Variants in PPP1R9A observed in about 807,000 individuals in gnomAD.
PPP1R9A encodes protein phosphatase 1 regulatory subunit 9A, also known as neurabin-1.
PPP1R9A carries 59 observed loss-of-function variants against 141.9 expected under a neutral mutation model. The observed-to-expected ratio is 0.42, with a 90% CI of 0.34 to 0.52. The LOEUF (loss-of-function observed/expected upper bound fraction) is 0.52. Ranked by LOEUF, PPP1R9A falls within the 20% of genes least tolerant of loss-of-function variation. The pLI is 0.10. For missense variants in PPP1R9A, 1,444 were observed against 1,611.9 expected, an observed-to-expected ratio of 0.90 and a Z score of 1.78; for synonymous variants, 500 against 569.7, an observed-to-expected ratio of 0.88 and a Z score of 1.74.
At chr7:95,200,226 C>T (rs1443473015) in intron 6 of PPP1R9A, among the ~76,000 whole-genome samples, 1 of 151,564 alleles carries the variant, frequency 6.6e-6, no homozygotes, top group Non-Finnish European at 1.5e-5. Flanking sequence ...TATTTTGAGG[C>T]GCTGATCACA....
intron 2 of PPP1R9A, among the ~76,000 whole-genome samples, chr7:94,913,841 C>T (rs1791743323): frequency 6.6e-6 from 1 of 152,080 alleles, no homozygotes; most frequent in Admixed American, 6.5e-5. Flanking sequence ...TGTAAGGTTA[C>T]CCCTTTCCTC....
chr7:95,070,227 T>C (rs1813567975), intron 2 of PPP1R9A, among the ~76,000 whole-genome samples: 1 of 152,066 alleles, frequency 6.6e-6, no homozygotes, highest in African/African-American at 2.4e-5. Context: ...TGGGTAAACA[T>C]CATATATGTA....
intron 2 of PPP1R9A, among the ~76,000 whole-genome samples, chr7:94,948,765 C>CA (rs1796152158): frequency 6.6e-6 from 1 of 152,106 alleles, no homozygotes; most frequent in African/African-American, 2.4e-5. Context: ...GCATTTATAG[C>CA]ATACTTGAAA....
intron 5 of PPP1R9A, among the ~76,000 whole-genome samples, chr7:95,175,276 A>ATGGATGGG (rs1832738345): frequency 6.6e-6 from 1 of 151,660 alleles, no homozygotes. Flanking sequence ...GGATGGATGG[A>ATGGATGGG]TGGATGGATG....
chr7:95,153,911 T>C (rs971519082), intron 4 of PPP1R9A, among the ~76,000 whole-genome samples: 1 of 152,200 alleles, frequency 6.6e-6, no homozygotes, highest in Non-Finnish European at 1.5e-5. Context: ...CCTCCAACTT[T>C]CCAGTTCATT....
intron 2 of PPP1R9A, among the ~76,000 whole-genome samples, chr7:94,930,344 C>T (rs1476240271): frequency 6.6e-6 from 1 of 152,052 alleles, no homozygotes; most frequent in Non-Finnish European, 1.5e-5. Flanking sequence ...TAAACATTTT[C>T]TTTCTTTTTT....
At chr7:95,186,717 T>C (rs1834712017) in intron 5 of PPP1R9A, among the ~76,000 whole-genome samples, 1 of 152,142 alleles carries the variant, frequency 6.6e-6, no homozygotes, top group Non-Finnish European at 1.5e-5. Context: ...CTGAGGGTTT[T>C]AATTGTAAAG....
At chr7:95,158,760 A>T (rs894306680) in intron 4 of PPP1R9A, among the ~76,000 whole-genome samples, 2 of 152,190 alleles carry the variant, frequency 1.3e-5, no homozygotes, top group South Asian at 4.1e-4. Context: ...ACTCAACCCA[A>T]CAACAACAGT....
At chr7:95,202,620 A>G in intron 6 of PPP1R9A, 3 of 906,576 alleles carry the variant, frequency 3.3e-6, no homozygotes, top group Non-Finnish European at 4.0e-6. Flanking sequence ...GCACTATTTC[A>G]TGACACTCGG....
At chr7:95,070,610 T>TATATATATATATATATATATATAC (rs1321187469) in intron 2 of PPP1R9A, among the ~76,000 whole-genome samples, 1 of 94,120 alleles carries the variant, frequency 1.1e-5, no homozygotes, top group Non-Finnish European at 2.9e-5. Flanking sequence ...TATATATATA[T>TATATATATATATATATATATATAC]ACACACACAC....
At chr7:95,199,218 A>G (rs1170081950) in intron 6 of PPP1R9A, among the ~76,000 whole-genome samples, 1 of 152,192 alleles carries the variant, frequency 6.6e-6, no homozygotes, top group African/African-American at 2.4e-5. Context: ...CATTGATATA[A>G]TGGGACAACA....
chr7:95,094,099 T>C (rs557798127), intron 2 of PPP1R9A, among the ~76,000 whole-genome samples: 1 of 152,216 alleles, frequency 6.6e-6, no homozygotes, highest in African/African-American at 2.4e-5. Context: ...GACCAACAAA[T>C]ATGAAAGAAA....
chr7:94,917,575 T>TTA (rs35278133), intron 2 of PPP1R9A, among the ~76,000 whole-genome samples: 8 of 79,850 alleles, frequency 1.0e-4, no homozygotes, highest in African/African-American at 2.9e-4. Context: ...CCTGTTATTA[T>TTA]TTTTTTTTTT....
At chr7:95,058,672 T>G (rs1811810990) in intron 2 of PPP1R9A, among the ~76,000 whole-genome samples, 1 of 151,840 alleles carries the variant, frequency 6.6e-6, no homozygotes. Context: ...TCAAGAAAAA[T>G]GATACAAGAA....
intron 2 of PPP1R9A, among the ~76,000 whole-genome samples, chr7:95,017,137 G>A (rs1805220123): frequency 6.6e-6 from 1 of 152,094 alleles, no homozygotes; most frequent in African/African-American, 2.4e-5. Flanking sequence ...GCTTTGGAGG[G>A]AGCATGGCCC....
intron 2 of PPP1R9A, among the ~76,000 whole-genome samples, chr7:94,984,790 A>C (rs978826297): frequency 6.6e-6 from 1 of 151,794 alleles, no homozygotes; most frequent in African/African-American, 2.4e-5. Context: ...CAGCTCCTGG[A>C]TTCATTGATT....
At chr7:95,152,342 A>G (rs1052925946) in intron 4 of PPP1R9A, among the ~76,000 whole-genome samples, 2 of 152,208 alleles carry the variant, frequency 1.3e-5, no homozygotes, top group South Asian at 2.1e-4. Context: ...TTGATATGTA[A>G]TCTATTCTAT....
intron 4 of PPP1R9A, among the ~76,000 whole-genome samples, chr7:95,150,225 A>G (rs531458300): frequency 6.6e-6 from 1 of 152,212 alleles, no homozygotes; most frequent in African/African-American, 2.4e-5. Context: ...TGAATTGCAG[A>G]CCTAAATGTA....
rs1273963452 is a variant in PPP1R9A, at chr7:94,970,316, GA to G, written c.1395+58809del. On this transcript the variant is annotated intron_variant, in intron 2 of 19. Transcript: ENST00000433360. ...AAACTCCTGGTCTGCAGATTGCAAA[GA>G]CCATGGGAAAAGTATAGTATCTGGG... Among the ~76,000 whole-genome samples, 7 of 152,334 alleles carry G rather than the reference GA, an allele frequency of 4.6e-5. No individual in the cohort carries two copies. The East Asian group carries it at 1.4e-3, about 29-fold the overall frequency.
Sources: gnomAD v4.1 joint callset for allele counts (sites outside exome capture counted in the v4.1 genomes callset) on GRCh38, gnomAD v4.1.1 for gene constraint, MANE v1.5 for transcripts, NCBI Gene and HGNC (gene_info 2026-07-23, HGNC 2026-07-21) for gene names.